Variants in MED17 observed in about 807,000 individuals in gnomAD.
MED17 encodes the protein mediator complex subunit 17.
MED17 carries 49 observed loss-of-function variants against 80.8 expected under a neutral mutation model. The ratio of observed to expected loss-of-function variants is 0.61; its 90% CI spans 0.48 to 0.77. The LOEUF is 0.77. MED17 is among the 30% of genes least tolerant of loss of function. The pLI is 0.00. For missense variants in MED17, 718 were observed against 787.0 expected, an observed-to-expected ratio of 0.91 and a Z score of 1.05; for synonymous variants, 281 against 280.4, an observed-to-expected ratio of 1.00 and a Z score of -0.02.
chr11:93,806,878 C>T (rs941312238), intron 9 of MED17: 1 of 152,252 alleles, frequency 6.6e-6, no homozygotes, highest in Non-Finnish European at 1.5e-5. Context: ...GTTACAGAAG[C>T]TTATGGCTCC....
intron 8 of MED17, among the ~76,000 whole-genome samples, chr11:93,798,907 C>T (rs1943933376): frequency 6.6e-6 from 1 of 152,096 alleles, no homozygotes; most frequent in Non-Finnish European, 1.5e-5. Context: ...TTTAAATATT[C>T]CCCAAATAAA....
At chr11:93,794,570 A>G in intron 5 of MED17, 3 of 336,568 alleles carry the variant, frequency 8.9e-6, no homozygotes, top group South Asian at 3.2e-5. Flanking sequence ...TTTGGAAAGA[A>G]TATAGCTTTG....
At chr11:93,808,738 A>G (rs1301400426) in intron 10 of MED17, 8 of 152,050 alleles carry the variant, frequency 5.3e-5, no homozygotes, top group Non-Finnish European at 8.8e-5. Flanking sequence ...TTACATCTAA[A>G]TTGGCTTTGG....
intron 9 of MED17, among the ~76,000 whole-genome samples, chr11:93,802,325 C>A (rs1210619371): frequency 1.3e-5 from 2 of 152,128 alleles, no homozygotes; most frequent in Non-Finnish European, 2.9e-5. Flanking sequence ...GTCTTGAACT[C>A]CTGGACTCCA....
At chr11:93,807,365 A>G (rs1473649954) in intron 9 of MED17, 153 bp from the exon 10 acceptor site, 2 of 621,312 alleles carry the variant, frequency 3.2e-6, no homozygotes, top group Non-Finnish European at 5.8e-6. Context: ...GTGAGCTGAG[A>G]TCACGCCACT....
intron 1 of MED17, among the ~76,000 whole-genome samples, chr11:93,785,457 A>G (rs1943759819): frequency 6.6e-6 from 1 of 152,254 alleles, no homozygotes; most frequent in South Asian, 2.1e-4. Context: ...AAAAAAATCA[A>G]AATTCTTAAT....
Position 93,792,565 on chromosome 11 carries a change from T to G in MED17, c.638-1163T>G, listed in dbSNP as rs114708943. Among the ~76,000 whole-genome samples, 680 of 152,296 alleles carry G rather than the reference T, an allele frequency of 4.5e-3. 9 individuals carry two copies. The highest frequency in any genetic ancestry group is 0.015 in the African/African-American group (632 of 41,566). On this transcript the variant is annotated intron_variant, in intron 3 of 11. Transcript: ENST00000251871. ...TCCCTTGTTATAAAACCAGTTACAT[T>G]GAACCACCTATTTCTTATGTAATTC...
chr11:93,804,054 C>CATAT lies in MED17; in HGVS notation c.1466+2083_1466+2084insTATA, dbSNP rs1943998757. Among the ~76,000 whole-genome samples the CATAT allele has an allele frequency of 4.1e-5, 6 of 147,864 alleles. No homozygotes were observed. The South Asian group carries it at 1.3e-3, about 32-fold the overall frequency. On this transcript the variant is annotated intron_variant, in intron 9 of 11. Transcript: ENST00000251871. ...ACACACACATATACACACGCACACACACACACATAAAGGGGAGTTTATTAA... is the reference window on the plus strand; with the variant it reads ...ACACACACATATACACACGCACACACATATACACACATAAAGGGGAGTTTATTAA...
chr11:93,800,450 G>A (rs910655641), intron 8 of MED17, among the ~76,000 whole-genome samples: 2 of 151,988 alleles, frequency 1.3e-5, no homozygotes, highest in African/African-American at 4.8e-5. Flanking sequence ...CCAACATGGC[G>A]AAACCTCGTT....
In MED17 at chr11:93,784,554, C is replaced by T. The variant is rs1237162643; in HGVS notation, c.41C>T (p.Ala14Val). 1 of 1,612,542 alleles carries T rather than the reference C, an allele frequency of 6.2e-7. No individual in the cohort carries two copies. The highest frequency in any genetic ancestry group is 1.1e-5 in the South Asian group (1 of 91,004). Residue 14 changes from alanine (A) to valine (V), a missense_variant, in exon 1 of 12, where the codon GCC (alanine) becomes GTC (valine). By Grantham distance (64) the Ala-to-Val change is moderately conservative. Coordinates refer to ENST00000251871, the MANE Select transcript of MED17 (RefSeq NM_004268.5). ...GCAGTGCGGATCAGCATCGAATCGG[C>T]CTGCGAGAAGCAGGTCCATGAGGTG... Reference protein sequence around the residue: ...VRAVRISIESACEKQVHEVGL... With the variant: ...VRAVRISIESVCEKQVHEVGL...
chr11:93,794,929 A>G lies in MED17; in HGVS notation c.881A>G (p.Lys294Arg). Residue 294 changes from lysine to arginine, a missense_variant, in exon 6 of 12, where the codon AAA (lysine) becomes AGA (arginine). By Grantham distance (26) the Lys-to-Arg change is conservative (BLOSUM62 2). Transcript: ENST00000251871. Reference protein sequence around the residue: ...SKPGSPHWQTKLEAAQNVLLC... With the variant: ...SKPGSPHWQTRLEAAQNVLLC... ...TCAGGTTCCCCACATTGGCAGACAA[A>G]ATTAGAAGCGGCACAGAATGTTCTC... 6.2e-7 allele frequency: 1 copy of G among 1,614,202 alleles called. No individual in the cohort carries two copies. The highest frequency in any genetic ancestry group is 1.6e-4 in the Middle Eastern group (1 of 6,062).
intron 10 of MED17, chr11:93,809,366 A>G: frequency 2.7e-6 from 1 of 363,962 alleles, no homozygotes; most frequent in Non-Finnish European, 5.3e-6. Context: ...CACGTGTGTC[A>G]GCCTCCCAGG....
At chr11:93,802,361 A>G (rs148877698) in intron 9 of MED17, among the ~76,000 whole-genome samples, 396 of 152,214 alleles carry the variant, frequency 2.6e-3, no homozygotes, top group African/African-American at 9.0e-3. Context: ...TGGCCTCCCA[A>G]AGTGCTGGGA....
Position 93,811,947 on chromosome 11 carries a change from C to G in MED17, c.1839C>G (p.Asn613Lys). Residue 613 changes from asparagine to lysine, a missense_variant, in exon 12 of 12, where the codon AAC becomes AAG. Asn to Lys is a moderately conservative substitution (Grantham distance 94). Transcript: ENST00000251871. ...CAAAAAGTGATGTTTTACAAGATAA[C>G]AAATGGAGTCATCTTCGTGGGCCAT... ...DLPKSDVLQD[N>K]KWSHLRGPFK... 5 of 1,614,024 alleles carry G rather than the reference C, an allele frequency of 3.1e-6. No homozygotes were observed. The highest frequency in any genetic ancestry group is 4.2e-6 in the Non-Finnish European group (5 of 1,179,972).
intron 2 of MED17, chr11:93,790,125 C>T (rs1420968489): frequency 5.0e-6 from 1 of 199,308 alleles, no homozygotes; most frequent in South Asian, 8.6e-5. Flanking sequence ...ATGTGCCAGG[C>T]ATTGTTCTAG....
In MED17 at chr11:93,784,615, G is replaced by A. The variant is rs369148763; in HGVS notation, c.102G>A (p.Leu34=). 19 of 1,598,318 alleles carry A rather than the reference G, an allele frequency of 1.2e-5. No homozygotes were observed. The highest frequency in any genetic ancestry group is 1.5e-5 in the Non-Finnish European group (18 of 1,173,792). The change falls in exon 1 of 12, where the codon CTG becomes CTA. Residue 34 remains leucine (L), a synonymous_variant. Transcript: ENST00000251871. The part of the protein sequence containing the change: ...LDGTETYLPP[L]SMSQNLARLA... ...GCACCGAGACGTACCTGCCCCCGCT[G>A]TCCATGTCGCAGAATCTGGCGCGTC... is the stretch of plus-strand genomic sequence containing the variant.
At chr11:93,787,866 TG>T in intron 1 of MED17, 134 bp from the exon 2 acceptor site, 1 of 776,206 alleles carries the variant, frequency 1.3e-6, no homozygotes, top group African/African-American at 1.7e-5. Context: ...GTAGAGGAGA[TG>T]GCATAAATAA....
chr11:93,807,284 G>T (rs1026670406), intron 9 of MED17: 5 of 436,808 alleles, frequency 1.1e-5, no homozygotes, highest in African/African-American at 6.1e-5. Context: ...ATGATGGCAG[G>T]TGCCTGTAAT....
intron 8 of MED17, chr11:93,800,658 G>T (rs1943953199): frequency 6.6e-6 from 1 of 151,456 alleles, no homozygotes; most frequent in African/African-American, 2.4e-5. Context: ...ATTTGAGACA[G>T]CATCTTACTC....
Sources: gnomAD v4.1 joint callset for allele counts (sites outside exome capture counted in the v4.1 genomes callset) on GRCh38, gnomAD v4.1.1 for gene constraint, MANE v1.5 for transcripts, NCBI Gene and HGNC (gene_info 2026-07-23, HGNC 2026-07-21) for gene names.